The following CUEDC1 variants were observed in gnomAD, a reference collection of about 807,000 sequenced individuals.
The protein encoded by CUEDC1 is CUE domain-containing protein 1.
Under a neutral mutation model 43.7 loss-of-function variants are expected in CUEDC1, and 30 were observed. The observed-to-expected ratio is 0.69, with a 90% CI of 0.51 to 0.93. The LOEUF (loss-of-function observed/expected upper bound fraction) is 0.93. CUEDC1 is among the 40% of genes least tolerant of loss of function. The probability of loss-of-function intolerance (pLI) is 0.00; values close to 1 mark genes in which losing one functional copy is unlikely to be tolerated. For synonymous variants in CUEDC1, 223 were observed against 223.6 expected, an observed-to-expected ratio of 1.00 and a Z score of 0.02; for missense variants, 486 against 549.0, an observed-to-expected ratio of 0.89 and a Z score of 1.15.
At chr17:57,878,165 C>G (rs2074153564) in intron 3 of CUEDC1, among the ~76,000 whole-genome samples, 1 of 152,152 alleles carries the variant, frequency 6.6e-6, no homozygotes, top group Non-Finnish European at 1.5e-5. Flanking sequence ...TTTTCTCATT[C>G]GGGAGGTGAC....
At chr17:57,907,192 G>T (rs2074538214) in intron 1 of CUEDC1, among the ~76,000 whole-genome samples, 1 of 152,122 alleles carries the variant, frequency 6.6e-6, no homozygotes, top group Admixed American at 6.5e-5. Context: ...CCACAAGGCT[G>T]GGGGAGACAG....
At chr17:57,884,171 C>T (rs1291641305) in intron 2 of CUEDC1, among the ~76,000 whole-genome samples, 1 of 150,480 alleles carries the variant, frequency 6.6e-6, no homozygotes, top group Non-Finnish European at 1.5e-5. Context: ...TCCCAGGATA[C>T]AGCCGCACTC....
chr17:57,898,898 T>C (rs1010850138), intron 1 of CUEDC1, among the ~76,000 whole-genome samples: 1 of 152,006 alleles, frequency 6.6e-6, no homozygotes, highest in Admixed American at 6.5e-5. Flanking sequence ...GGAGAAGTGA[T>C]TGGAATAATG....
chr17:57,871,558 C>T (rs1038368038), intron 5 of CUEDC1, among the ~76,000 whole-genome samples, 189 bp from the exon 6 acceptor site: 7 of 152,184 alleles, frequency 4.6e-5, no homozygotes, highest in Non-Finnish European at 8.8e-5. Context: ...GAAACTACCG[C>T]CTGACAGCCA....
intron 1 of CUEDC1, among the ~76,000 whole-genome samples, chr17:57,893,248 C>T (rs1315688858): frequency 6.6e-6 from 1 of 152,170 alleles, no homozygotes; most frequent in East Asian, 1.9e-4. Flanking sequence ...GGGTGGGGTG[C>T]AGGGAAATCT....
At chr17:57,902,340 C>T (rs754024221) in intron 1 of CUEDC1, among the ~76,000 whole-genome samples, 2 of 152,160 alleles carry the variant, frequency 1.3e-5, no homozygotes, top group Non-Finnish European at 2.9e-5. Context: ...AAAAGAGAAA[C>T]GATGATACAT....
chr17:57,898,200 G>T (rs775145477), intron 1 of CUEDC1, among the ~76,000 whole-genome samples: 1 of 152,194 alleles, frequency 6.6e-6, no homozygotes, highest in Non-Finnish European at 1.5e-5. Context: ...GGACTCACCT[G>T]CCTCCTGCTG....
At chr17:57,916,415 A>C (rs894467508) in intron 1 of CUEDC1, among the ~76,000 whole-genome samples, 7 of 152,164 alleles carry the variant, frequency 4.6e-5, no homozygotes, top group Non-Finnish European at 1.0e-4. Flanking sequence ...CAGAGAGGGG[A>C]GGGGGTGGAG....
Position 57,954,018 on chromosome 17 carries a change from C to T in CUEDC1, c.-316+1207G>A, listed in dbSNP as rs571385447. Among the ~76,000 whole-genome samples the T allele has an allele frequency of 6.6e-6, 1 of 152,346 alleles. No homozygotes were observed. The highest frequency in any genetic ancestry group is 2.1e-4 in the South Asian group (1 of 4,824). ...CAACAACAGAGAGGACCCAGCTTCA[C>T]ACTTGATCCAGCAGGGGCCCAACCA... On this transcript the variant is annotated intron_variant, in intron 1 of 10. Coordinates refer to ENST00000577830, the MANE Select transcript of CUEDC1 (RefSeq NM_001271875.2). This position sits in a 1 kb window ranked among gnomAD's most constrained non-coding sequence, Gnocchi z 4.3.
At chr17:57,938,000 T>G (rs913147686) in intron 1 of CUEDC1, among the ~76,000 whole-genome samples, 2 of 152,106 alleles carry the variant, frequency 1.3e-5, no homozygotes, top group African/African-American at 4.8e-5. Context: ...AATAAAAAAT[T>G]TGTTATAATC....
chr17:57,872,977 A>C, intron 4 of CUEDC1, 122 bp from the exon 5 acceptor site: 2 of 905,864 alleles, frequency 2.2e-6, no homozygotes, highest in Non-Finnish European at 3.3e-6. Context: ...CCTGAGGCTC[A>C]CACCTCCTAA....
intron 1 of CUEDC1, among the ~76,000 whole-genome samples, chr17:57,896,809 C>T (rs1385418550): frequency 8.5e-6 from 1 of 118,056 alleles, no homozygotes; most frequent in African/African-American, 3.3e-5. Flanking sequence ...CTCTCTCTGT[C>T]ATCCAGGCTG....
chr17:57,936,225 G>A (rs2074860521), intron 1 of CUEDC1, among the ~76,000 whole-genome samples: 1 of 152,144 alleles, frequency 6.6e-6, no homozygotes, highest in African/African-American at 2.4e-5. Flanking sequence ...AGGACAGTGT[G>A]GACTCCCAGG....
intron 1 of CUEDC1, among the ~76,000 whole-genome samples, chr17:57,887,736 G>A (rs2074310766): frequency 7.4e-6 from 1 of 135,636 alleles, no homozygotes. Context: ...AACTCCTGAC[G>A]TCAGGTGATC....
chr17:57,945,089 G>C (rs930228771), intron 1 of CUEDC1, among the ~76,000 whole-genome samples: 10 of 152,108 alleles, frequency 6.6e-5, no homozygotes, highest in African/African-American at 2.2e-4. Context: ...ATTTGTGTAG[G>C]CATGGCCTAA....
chr17:57,945,724 T>TTATGTAATATTTTGGCCGGGC (rs1178810703), intron 1 of CUEDC1, among the ~76,000 whole-genome samples: 7 of 152,202 alleles, frequency 4.6e-5, no homozygotes, highest in Non-Finnish European at 1.0e-4. Flanking sequence ...TTAACAATCA[T>TTATGTAATATTTTGGCCGGGC]TATGTAATAT....
At chr17:57,888,243 T>G (rs766351465) in intron 1 of CUEDC1, among the ~76,000 whole-genome samples, 9 of 152,226 alleles carry the variant, frequency 5.9e-5, no homozygotes, top group Non-Finnish European at 1.0e-4. Flanking sequence ...TGAATTTATT[T>G]TACTAAAATG....
chr17:57,874,481 G>A (rs1224947929), intron 3 of CUEDC1, among the ~76,000 whole-genome samples: 1 of 152,208 alleles, frequency 6.6e-6, no homozygotes, highest in African/African-American at 2.4e-5. Context: ...GGAGCTCTGT[G>A]CCATGGCAGA....
chr17:57,932,569 A>G (rs1230828117), intron 1 of CUEDC1, among the ~76,000 whole-genome samples: 1 of 124,090 alleles, frequency 8.1e-6, no homozygotes, highest in African/African-American at 3.4e-5. Context: ...TGGGTGACAG[A>G]GCAAGACTCT....
Sources: gnomAD v4.1 joint callset for allele counts (sites outside exome capture counted in the v4.1 genomes callset) on GRCh38, gnomAD v4.1.1 for gene constraint, Gnocchi (gnomAD v3.1) non-coding constraint, MANE v1.5 for transcripts, NCBI Gene and HGNC (gene_info 2026-07-23, HGNC 2026-07-21) for gene names.